The following ADAM7 variants were observed in gnomAD, a reference collection of about 807,000 sequenced individuals.
The protein encoded by ADAM7 is disintegrin and metalloproteinase domain-containing protein 7.
ADAM7 carries 97 observed loss-of-function variants against 102.9 expected under a neutral mutation model. The observed-to-expected ratio is 0.94, with a 90% CI of 0.80 to 1.12. The LOEUF (loss-of-function observed/expected upper bound fraction) is 1.12, where lower values mean the gene tolerates loss of function less well. Among genes scored for constraint, ADAM7 ranks in the 50% most tolerant of loss-of-function variants. The pLI is 0.00. For missense variants in ADAM7, 991 were observed against 908.7 expected (o/e 1.09, Z -1.16); for synonymous variants, 334 against 304.4 (o/e 1.10, Z -1.01).
At chr8:24,496,607 C>T (rs180681388) in intron 16 of ADAM7, among the ~76,000 whole-genome samples, 20 of 152,304 alleles carry the variant, frequency 1.3e-4, no homozygotes, top group Non-Finnish European at 2.5e-4. Flanking sequence ...TCAGTGTGAT[C>T]TGGATGTGAG....
intron 2 of ADAM7, among the ~76,000 whole-genome samples, chr8:24,444,678 T>C (rs1818487166): frequency 6.7e-6 from 1 of 149,876 alleles, no homozygotes; most frequent in African/African-American, 2.5e-5. Flanking sequence ...AAGGTCCAGA[T>C]CGTAAAAAAA....
chr8:24,487,581 G>A (rs889254847), intron 11 of ADAM7, among the ~76,000 whole-genome samples: 3 of 150,496 alleles, frequency 2.0e-5, no homozygotes, highest in African/African-American at 2.5e-5. Flanking sequence ...GTTGCCGTGA[G>A]CCGAGATCAT....
chr8:24,449,317 G>T (rs1818687243), intron 3 of ADAM7, among the ~76,000 whole-genome samples: 1 of 152,144 alleles, frequency 6.6e-6, no homozygotes, highest in Non-Finnish European at 1.5e-5. Context: ...AGCACCTGTT[G>T]TTTCCTGACT....
chr8:24,469,760 C>A (rs1819544667), intron 7 of ADAM7, among the ~76,000 whole-genome samples: 1 of 151,842 alleles, frequency 6.6e-6, no homozygotes, highest in Non-Finnish European at 1.5e-5. Flanking sequence ...AAAGACTGGA[C>A]AAAACAACAG....
At chr8:24,492,244 C>A in intron 14 of ADAM7, 146 bp downstream of exon 14, 1 of 821,898 alleles carries the variant, frequency 1.2e-6, no homozygotes, top group African/African-American at 1.7e-5. Flanking sequence ...TGGATATTAC[C>A]TGTCATATTA....
rs536603621 is a variant in ADAM7, at chr8:24,509,530, G to A, written c.*984G>A. 24 of 984,246 alleles carry A rather than the reference G, an allele frequency of 2.4e-5. No individual in the cohort carries two copies. The East Asian group carries it at 1.7e-3, about 70-fold the overall frequency. 61.0% of individuals were successfully genotyped at this position (984,246 alleles called of 1,614,324 possible). A position where few individuals can be genotyped will look rare whatever the true frequency, so the allele number is the denominator to read the frequency against. ...GTTCTAAATAAAAATATTCTGACTCGATGAAATAAATAAAGGCTACAAAAG... is the reference window on the plus strand; with the variant it reads ...GTTCTAAATAAAAATATTCTGACTCAATGAAATAAATAAAGGCTACAAAAG... On this transcript the variant is annotated 3_prime_UTR_variant, in exon 22 of 22. Coordinates refer to ENST00000175238, the MANE Select transcript of ADAM7 (RefSeq NM_003817.4).
chr8:24,490,762 T>A (rs769233633), intron 12 of ADAM7, 37 bp from the exon 13 acceptor site: 1 of 1,597,196 alleles, frequency 6.3e-7, no homozygotes, highest in Non-Finnish European at 8.6e-7. Context: ...TCAGAGTACA[T>A]ACCAATTTCT....
At chr8:24,500,368 A>G (rs1820716189) in intron 18 of ADAM7, 112 bp downstream of exon 18, 7 of 953,154 alleles carry the variant, frequency 7.3e-6, no homozygotes, top group Non-Finnish European at 1.1e-5. Flanking sequence ...ATGGATTTGT[A>G]TGGTCTTCAT....
chr8:24,487,517 T>G (rs1248792668), intron 11 of ADAM7, among the ~76,000 whole-genome samples, 200 bp downstream of exon 11: 4 of 151,744 alleles, frequency 2.6e-5, no homozygotes, highest in Admixed American at 2.6e-4. Flanking sequence ...TGGTGGCACA[T>G]GCGTGTAATC....
At chr8:24,461,839 A>G (rs1014213118) in intron 3 of ADAM7, among the ~76,000 whole-genome samples, 2 of 152,204 alleles carry the variant, frequency 1.3e-5, no homozygotes. Context: ...TTTAAAAAAT[A>G]TAATTCCATT....
At chr8:24,483,095 T>C (rs1326393022) in intron 9 of ADAM7, among the ~76,000 whole-genome samples, 1 of 152,178 alleles carries the variant, frequency 6.6e-6, no homozygotes, top group African/African-American at 2.4e-5. Flanking sequence ...ACAACTAATC[T>C]GATAAGTGAA....
At chr8:24,454,584 C>T (rs1229751768) in intron 3 of ADAM7, among the ~76,000 whole-genome samples, 1 of 152,226 alleles carries the variant, frequency 6.6e-6, no homozygotes, top group Non-Finnish European at 1.5e-5. Flanking sequence ...GGAAAGGGAA[C>T]TCCCTGATCC....
intron 11 of ADAM7, among the ~76,000 whole-genome samples, chr8:24,487,887 C>A (rs1435085937): frequency 6.6e-6 from 1 of 152,096 alleles, no homozygotes; most frequent in East Asian, 1.9e-4. Flanking sequence ...ACAATTAGTA[C>A]CAATTGCTAC....
At position 24,467,310 on chromosome 8, in the gene ADAM7, T is replaced by A. The variant is rs1585879151; in HGVS notation, c.579+322T>A. 1.4e-5 allele frequency: 5 copies of A among 365,624 alleles called. No homozygotes were observed. In the East Asian group the frequency reaches 2.1e-4, roughly 16 times the overall value. The allele number at this position is 365,624 out of a possible 1,614,324, so 22.6% of individuals were successfully genotyped here. A position where few individuals can be genotyped will look rare whatever the true frequency, so the allele number is the denominator to read the frequency against. ...CTAGAGATAGTGTCTTTCCTTTTCT[T>A]CCCTGCCATTTTTTTTTGCAGAGTT... On this transcript the variant is annotated intron_variant, in intron 6 of 21. Coordinates refer to ENST00000175238, the MANE Select transcript of ADAM7 (RefSeq NM_003817.4).
chr8:24,451,288 T>G lies in ADAM7; in HGVS notation c.233+4026T>G, dbSNP rs1212777968. ...GTGAATCCATCTGGTCCTCGACTCT[T>G]TTTGGTTGGTAAGCTATTGATTATT... On this transcript the variant is annotated intron_variant, in intron 3 of 21. Transcript: ENST00000175238. Among the ~76,000 whole-genome samples, 5 of 152,230 alleles carry G rather than the reference T, an allele frequency of 3.3e-5. No homozygotes were observed. The East Asian group carries it at 7.7e-4, about 24-fold the overall frequency.
At chr8:24,452,428 C>A (rs1435388506) in intron 3 of ADAM7, among the ~76,000 whole-genome samples, 4 of 148,786 alleles carry the variant, frequency 2.7e-5, no homozygotes, top group Admixed American at 6.7e-5. Context: ...CTCTTTTGAT[C>A]TTTGTTGGTT....
At chr8:24,478,390 A>G (rs1007470137) in intron 8 of ADAM7, among the ~76,000 whole-genome samples, 1 of 152,152 alleles carries the variant, frequency 6.6e-6, no homozygotes, top group Admixed American at 6.6e-5. Context: ...GACTTGTTTT[A>G]AAAGATTAAG....
At chr8:24,457,168 T>A (rs554914091) in intron 3 of ADAM7, among the ~76,000 whole-genome samples, 5 of 152,248 alleles carry the variant, frequency 3.3e-5, no homozygotes, top group Non-Finnish European at 7.3e-5. Flanking sequence ...TTAACTATTA[T>A]TAAATGTTAT....
rs1821045946 is a variant in ADAM7 at position 24,509,461 on chromosome 8, T to C, written c.*915T>C. The C allele has an allele frequency of 4.1e-6, 4 of 985,074 alleles. No homozygotes were observed. The highest frequency in any genetic ancestry group is 4.8e-6 in the Non-Finnish European group (4 of 829,594). The allele number at this position is 985,074 out of a possible 1,614,324, so 61.0% of individuals were successfully genotyped here. A position where few individuals can be genotyped will look rare whatever the true frequency, so the allele number is the denominator to read the frequency against. ...TTTTCTTCTTGTGAACTGTTAAAGCTACATGCATTATTTTTTTTCCATTTA... is the reference window on the plus strand; with the variant it reads ...TTTTCTTCTTGTGAACTGTTAAAGCCACATGCATTATTTTTTTTCCATTTA... On this transcript the variant is annotated 3_prime_UTR_variant, in exon 22 of 22. Coordinates refer to ENST00000175238, the MANE Select transcript of ADAM7 (RefSeq NM_003817.4).
Sources: gnomAD v4.1 joint callset for allele counts (sites outside exome capture counted in the v4.1 genomes callset) on GRCh38, gnomAD v4.1.1 for gene constraint, MANE v1.5 for transcripts, NCBI Gene and HGNC (gene_info 2026-07-23, HGNC 2026-07-21) for gene names.